LRRC28: variants seen among roughly 807,000 people sequenced by gnomAD.
The protein encoded by LRRC28 is leucine rich repeat containing 28.
LRRC28 carries 39 observed loss-of-function variants against 45.7 expected under a neutral mutation model. The observed-to-expected ratio is 0.85, with a 90% CI of 0.66 to 1.12. LRRC28 has a LOEUF of 1.12. Among genes scored for constraint, LRRC28 ranks in the 50% most tolerant of loss-of-function variants. The pLI, the probability that LRRC28 is intolerant of heterozygous loss-of-function variation, is 0.00. For synonymous variants in LRRC28, 206 were observed against 178.8 expected, an observed-to-expected ratio of 1.15 and a Z score of -1.22; for missense variants, 435 against 438.5, an observed-to-expected ratio of 0.99 and a Z score of 0.07.
intron 5 of LRRC28, among the ~76,000 whole-genome samples, chr15:99,332,744 T>C (rs1298355550): frequency 6.6e-6 from 1 of 152,174 alleles, no homozygotes; most frequent in African/African-American, 2.4e-5. Context: ...TGAGAAAAAC[T>C]AATCTGTTTA....
chr15:99,320,556 T>C (rs1955760965), intron 5 of LRRC28: 1 of 152,228 alleles, frequency 6.6e-6, no homozygotes, highest in Non-Finnish European at 1.5e-5. Flanking sequence ...AAACATGTTA[T>C]GCACTTGGAA....
chr15:99,302,145 G>C (rs1279535032), intron 5 of LRRC28, among the ~76,000 whole-genome samples: 2 of 151,420 alleles, frequency 1.3e-5, no homozygotes, highest in Non-Finnish European at 2.9e-5. Context: ...TCCTGCCTCA[G>C]CCTCCTGAGT....
intron 3 of LRRC28, among the ~76,000 whole-genome samples, chr15:99,280,515 T>C (rs1176036202): frequency 6.6e-6 from 1 of 152,054 alleles, no homozygotes; most frequent in African/African-American, 2.4e-5. Context: ...GTTGTTGTTA[T>C]CAGCACGTTC....
rs143542909 is a variant in LRRC28 at position 99,358,808 on chromosome 15, T to G, written c.696-2528T>G. 0.011 allele frequency among the ~76,000 whole-genome samples: 1,624 copies of G among 152,242 alleles called. 68 individuals are homozygous for G. In the East Asian group the frequency reaches 0.12, roughly 11 times the overall value. Reference sequence around the variant, plus strand: ...ATCTACACGTAAAGGCCAGGTGCGGTGGTTCATACCTGTAATCCCAGCACT... The same window carrying G: ...ATCTACACGTAAAGGCCAGGTGCGGGGGTTCATACCTGTAATCCCAGCACT... On this transcript the variant is annotated intron_variant, in intron 7 of 9. Coordinates refer to ENST00000301981, the MANE Select transcript of LRRC28 (RefSeq NM_144598.5).
intron 7 of LRRC28, among the ~76,000 whole-genome samples, chr15:99,356,469 T>C (rs1276029729): frequency 1.3e-5 from 2 of 152,166 alleles, no homozygotes; most frequent in African/African-American, 4.8e-5. Context: ...GAACTGGAGA[T>C]AGATCAGTAG....
chr15:99,338,758 T>C (rs2048000773), intron 6 of LRRC28, among the ~76,000 whole-genome samples: 2 of 152,236 alleles, frequency 1.3e-5, no homozygotes, highest in South Asian at 4.1e-4. Flanking sequence ...ACACCACCTG[T>C]AAGGATGACT....
At chr15:99,295,272 G>A (rs577470665) in intron 5 of LRRC28, among the ~76,000 whole-genome samples, 25 of 152,014 alleles carry the variant, frequency 1.6e-4, no homozygotes, top group Non-Finnish European at 2.5e-4. Context: ...AAACATTTAC[G>A]TATTGCTTTT....
chr15:99,257,778 C>G, intron 2 of LRRC28: 1 of 778,416 alleles, frequency 1.3e-6, no homozygotes, highest in Non-Finnish European at 2.4e-6. Context: ...TGAAGTAGTA[C>G]AGAGAGAGGA....
chr15:99,253,159 C>A (rs528559327), intron 1 of LRRC28, among the ~76,000 whole-genome samples: 1 of 150,982 alleles, frequency 6.6e-6, no homozygotes, highest in Non-Finnish European at 1.5e-5. Context: ...CTCGCTCTGT[C>A]GCTCAGGTTG....
At chr15:99,278,700 G>A (rs2081691123) in intron 3 of LRRC28, among the ~76,000 whole-genome samples, 1 of 152,342 alleles carries the variant, frequency 6.6e-6, no homozygotes, top group African/African-American at 2.4e-5. Flanking sequence ...ACCCCCAAAT[G>A]TAGTGATTTA....
chr15:99,284,920 T>G, intron 3 of LRRC28: 1 of 597,980 alleles, frequency 1.7e-6, no homozygotes, highest in Non-Finnish European at 3.2e-6. Context: ...CTGCTGAAGT[T>G]TCCTCCACGA....
chr15:99,387,192 C>G lies in LRRC28; in HGVS notation c.*1090C>G, dbSNP rs1172328089. On this transcript the variant is annotated 3_prime_UTR_variant, in exon 10 of 10. Coordinates refer to ENST00000301981, the MANE Select transcript of LRRC28 (RefSeq NM_144598.5). ...TCTCCTGCCTCAGCCTCCCAAGTAG[C>G]TGGGACCACAGGCGCCCGCCACCAC... 3 of 144,176 alleles carry G rather than the reference C, an allele frequency of 2.1e-5. No homozygotes were observed. In the Admixed American group the frequency reaches 2.1e-4, roughly 10 times the overall value. 8.9% of individuals were successfully genotyped at this position (144,176 alleles called of 1,614,324 possible).
At chr15:99,266,117 A>G (rs1365014191) in intron 2 of LRRC28, among the ~76,000 whole-genome samples, 1 of 152,222 alleles carries the variant, frequency 6.6e-6, no homozygotes, top group East Asian at 1.9e-4. Context: ...ATTTAACTTA[A>G]AAATTATATT....
Position 99,363,146 on chromosome 15 carries a change from C to T in LRRC28, c.912C>T (p.Leu304=). The T allele has an allele frequency of 2.5e-6, 4 of 1,613,876 alleles. No individual in the cohort carries two copies. The highest frequency in any genetic ancestry group is 2.2e-5 in the East Asian group (1 of 44,886). The change falls in exon 9 of 10, where the codon CTC becomes CTT. Residue 304 remains leucine (L), a synonymous_variant. Coordinates refer to ENST00000301981, the MANE Select transcript of LRRC28 (RefSeq NM_144598.5). ...CTCCAATCTCATTACCCAGAAGTCT[C>T]CTAGAGCTGCTGCACTGCCCTCTGG... ...FLSPISLPRS[L]LELLHCPLGH...
chr15:99,270,415 C>T (rs1367172833), intron 2 of LRRC28, among the ~76,000 whole-genome samples: 1 of 151,954 alleles, frequency 6.6e-6, no homozygotes, highest in Non-Finnish European at 1.5e-5. Context: ...TAAGCAGTTC[C>T]TCCCCATTGC....
intron 1 of LRRC28, among the ~76,000 whole-genome samples, chr15:99,252,533 G>GTA (rs1597127856): frequency 1.3e-5 from 2 of 152,204 alleles, no homozygotes; most frequent in Non-Finnish European, 2.9e-5. Flanking sequence ...CACACGCTTT[G>GTA]TAGTCAGTCC....
intron 3 of LRRC28, among the ~76,000 whole-genome samples, chr15:99,278,733 T>TGTA (rs773878990): frequency 3.9e-5 from 6 of 152,246 alleles, no homozygotes; most frequent in Non-Finnish European, 8.8e-5. Flanking sequence ...TTCAGTGTCT[T>TGTA]GTATTTTCTG....
At chr15:99,279,986 T>G (rs956280670) in intron 3 of LRRC28, among the ~76,000 whole-genome samples, 11 of 152,190 alleles carry the variant, frequency 7.2e-5, no homozygotes, top group Admixed American at 3.9e-4. Flanking sequence ...GTGTTGTCTT[T>G]GTTATTTTAG....
At chr15:99,349,814 A>G (rs977678836) in intron 6 of LRRC28, among the ~76,000 whole-genome samples, 3 of 152,252 alleles carry the variant, frequency 2.0e-5, no homozygotes, top group African/African-American at 7.2e-5. Flanking sequence ...TGCCCCTCAG[A>G]CATAGTTTTG....
Sources: gnomAD v4.1 joint callset for allele counts (sites outside exome capture counted in the v4.1 genomes callset) on GRCh38, gnomAD v4.1.1 for gene constraint, MANE v1.5 for transcripts, NCBI Gene and HGNC (gene_info 2026-07-23, HGNC 2026-07-21) for gene names.